Variants in TPCN1 observed in about 807,000 individuals in gnomAD.
The protein encoded by TPCN1 is two pore channel protein 1.
Under a neutral mutation model 108.8 loss-of-function variants are expected in TPCN1, and 52 were observed. The ratio of observed to expected loss-of-function variants is 0.48; its 90% CI spans 0.38 to 0.60. The LOEUF (loss-of-function observed/expected upper bound fraction) is 0.60. Ranked by LOEUF, TPCN1 falls within the 20% of genes least tolerant of loss-of-function variation. The probability of loss-of-function intolerance (pLI) is 0.00; values close to 1 mark genes in which losing one functional copy is unlikely to be tolerated. For missense variants in TPCN1, 806 were observed against 1,072.8 expected (o/e 0.75, Z 3.47); for synonymous variants, 446 against 433.7 (o/e 1.03, Z -0.35).
intron 3 of TPCN1, 138 bp downstream of exon 3, chr12:113,260,630 C>G: frequency 1.7e-6 from 2 of 1,161,310 alleles, no homozygotes; most frequent in African/African-American, 1.6e-5. Flanking sequence ...GCTTCAGGTT[C>G]ATAAGATGGG....
chr12:113,245,202 A>G (rs905029791), intron 2 of TPCN1, among the ~76,000 whole-genome samples: 1 of 150,614 alleles, frequency 6.6e-6, no homozygotes, highest in African/African-American at 2.4e-5. Context: ...CCAGGAGATA[A>G]AGGCTGCAGT....
intron 2 of TPCN1, among the ~76,000 whole-genome samples, chr12:113,259,448 A>G (rs61943603): frequency 0.058 from 8,810 of 152,270 alleles, 355 homozygotes; most frequent in Middle Eastern, 0.071. Context: ...CTCAGACTCA[A>G]TGGGATCTGT....
chr12:113,259,133 C>T (rs564007585), intron 2 of TPCN1, among the ~76,000 whole-genome samples: 2 of 152,160 alleles, frequency 1.3e-5, no homozygotes, highest in South Asian at 2.1e-4. Context: ...CCTTCCACCA[C>T]GCCTGGCTAC....
In TPCN1 at chr12:113,289,982, G is replaced by T; in HGVS notation, c.1797-146G>T. 1 of 595,638 alleles carries T rather than the reference G, an allele frequency of 1.7e-6. No individual in the cohort carries two copies. The highest frequency in any genetic ancestry group is 3.0e-6 in the Non-Finnish European group (1 of 334,648). 36.9% of individuals were successfully genotyped at this position (595,638 alleles called of 1,614,324 possible). On this transcript the variant is annotated intron_variant, in intron 21 of 27. Coordinates refer to ENST00000335509, the MANE Select transcript of TPCN1 (RefSeq NM_017901.6). The surrounding 1 kb of genome is among the most constrained non-coding windows in gnomAD (Gnocchi z 4.1). ...CCTTCAGCAGGGACCCAGGCATGAG[G>T]TGGAGAGGGTTAGGCAGGAAACCAG...
intron 1 of TPCN1, among the ~76,000 whole-genome samples, chr12:113,224,549 A>T (rs1292132996): frequency 6.6e-6 from 1 of 151,862 alleles, no homozygotes; most frequent in East Asian, 1.9e-4. Flanking sequence ...GGCGTCTGCC[A>T]CCACGCCCGG....
At position 113,288,218 on chromosome 12, in the gene TPCN1, C is replaced by T. The variant is rs1566201338; in HGVS notation, c.1690C>T (p.Leu564=). The T allele has an allele frequency of 6.2e-7, 1 of 1,613,914 alleles. No homozygotes were observed. Among genetic ancestry groups the T allele is most frequent in the Admixed American group, 1.7e-5 (1 of 60,018 alleles). The change falls in exon 20 of 28, where the codon CTG becomes TTG. Residue 564 remains leucine (L), a synonymous_variant. Coordinates refer to ENST00000335509, the MANE Select transcript of TPCN1 (RefSeq NM_017901.6). This position sits in a 1 kb window ranked among gnomAD's most constrained non-coding sequence, Gnocchi z 4.8. ...RNVLDTMFEL[L]PRMASLGLTL... ...CGTGCTGGACACCATGTTCGAGCTG[C>T]TGCCCCGGATGGCCAGGTACTGCCA...
intron 7 of TPCN1, among the ~76,000 whole-genome samples, chr12:113,271,186 G>T (rs756538757): frequency 6.6e-6 from 1 of 152,084 alleles, no homozygotes; most frequent in Non-Finnish European, 1.5e-5. Flanking sequence ...TGAGGCAGGA[G>T]GATCACCTGA....
chr12:113,248,755 G>A (rs1954504926), intron 2 of TPCN1, among the ~76,000 whole-genome samples: 1 of 152,208 alleles, frequency 6.6e-6, no homozygotes, highest in Non-Finnish European at 1.5e-5. Context: ...GGGCAGAGGA[G>A]TGATACCATT....
intron 3 of TPCN1, 36 bp downstream of exon 3, chr12:113,260,528 C>T (rs1954990394): frequency 1.9e-6 from 3 of 1,549,542 alleles, no homozygotes; most frequent in South Asian, 1.2e-5. Context: ...CAGTTGTCTG[C>T]ACCTGTTGGT....
At chr12:113,227,384 G>A (rs533894994) in intron 2 of TPCN1, among the ~76,000 whole-genome samples, 7 of 152,314 alleles carry the variant, frequency 4.6e-5, no homozygotes, top group East Asian at 1.9e-4. Flanking sequence ...AGCACTGCCC[G>A]CGTCTCTTTG....
intron 2 of TPCN1, among the ~76,000 whole-genome samples, chr12:113,251,922 G>A (rs1954649469): frequency 6.6e-6 from 1 of 152,242 alleles, no homozygotes; most frequent in Non-Finnish European, 1.5e-5. Flanking sequence ...AGTCCAGGTT[G>A]CTGCAGGCTT....
chr12:113,279,373 A>G lies in TPCN1; in HGVS notation c.1297+538A>G, dbSNP rs541906354. ...TGTGTGTGTGTGTATATATATATAT[A>G]TATATATATATATATATATTTTTTT... On this transcript the variant is annotated intron_variant, in intron 14 of 27. Coordinates refer to ENST00000335509, the MANE Select transcript of TPCN1 (RefSeq NM_017901.6). Among the ~76,000 whole-genome samples, 218 of 23,934 alleles carry G rather than the reference A, an allele frequency of 9.1e-3. 11 individuals are homozygous for G. Among genetic ancestry groups the G allele is most frequent in the African/African-American group, 0.038 (201 of 5,306 alleles). 15.7% of individuals were successfully genotyped at this position (23,934 alleles called of 152,430 possible).
intron 2 of TPCN1, among the ~76,000 whole-genome samples, chr12:113,240,049 G>A (rs939176370): frequency 7.2e-5 from 11 of 152,068 alleles, no homozygotes; most frequent in Non-Finnish European, 2.9e-5. Flanking sequence ...CTTCTTGCGG[G>A]CTCGGCTGTT....
At chr12:113,244,370 A>G (rs1388158518) in intron 2 of TPCN1, 1 of 985,302 alleles carries the variant, frequency 1.0e-6, no homozygotes. Flanking sequence ...AGGTTGGTAC[A>G]TTTGCCCAGG....
At position 113,232,484 on chromosome 12, in the gene TPCN1, G is replaced by C. The variant is rs1393698716; in HGVS notation, c.112+5520G>C. ...GCACCAGAGAAGAATACACCCCGAG[G>C]TGTGCGCTCCATCACTGATGTCTGT... On this transcript the variant is annotated intron_variant, in intron 2 of 27. Transcript: ENST00000335509. This position sits in a 1 kb window ranked among gnomAD's most constrained non-coding sequence, Gnocchi z 5.6. Among the ~76,000 whole-genome samples, 2 of 152,278 alleles carry C rather than the reference G, an allele frequency of 1.3e-5. No homozygotes were observed. Among genetic ancestry groups the C allele is most frequent in the Admixed American group, 1.3e-4 (2 of 15,288 alleles).
chr12:113,229,733 C>T (rs899739596), intron 2 of TPCN1, among the ~76,000 whole-genome samples: 14 of 152,090 alleles, frequency 9.2e-5, no homozygotes, highest in Non-Finnish European at 1.9e-4. Context: ...CTCAAGTGAT[C>T]CACCTGCCTC....
chr12:113,293,033 C>A lies in TPCN1; in HGVS notation c.2213C>A (p.Thr738Asn). 1 of 1,613,200 alleles carries A rather than the reference C, an allele frequency of 6.2e-7. No homozygotes were observed. The highest frequency in any genetic ancestry group is 1.1e-5 in the South Asian group (1 of 91,070). ...GCACGGGGGGCCTCCTCGGATGTCA[C>A]CAGGCTGCTGGAGACCCTCTCCCAG... is the stretch of plus-strand genomic sequence containing the variant. The part of the protein sequence containing the change: ...REARGASSDV[T>N]RLLETLSQME... Residue 738 changes from threonine (T) to asparagine (N), a missense_variant, in exon 26 of 28, where the codon ACC (threonine) becomes AAC (asparagine). Thr to Asn is a moderately conservative substitution (Grantham distance 65). Coordinates refer to ENST00000335509, the MANE Select transcript of TPCN1 (RefSeq NM_017901.6).
chr12:113,292,647 A>G lies in TPCN1; in HGVS notation c.2114-287A>G, dbSNP rs140771784. Reference sequence around the variant, plus strand: ...CACACTTGTTACCTCTCATCCTCAGATCTCTGTGCTATCAGACCATCTGAC... The same window carrying G: ...CACACTTGTTACCTCTCATCCTCAGGTCTCTGTGCTATCAGACCATCTGAC... On this transcript the variant is annotated intron_variant, in intron 25 of 27. Coordinates refer to ENST00000335509, the MANE Select transcript of TPCN1 (RefSeq NM_017901.6). 61 of 327,144 alleles carry G rather than the reference A, an allele frequency of 1.9e-4. No individual in the cohort carries two copies. In the East Asian group the frequency reaches 3.5e-3, roughly 19 times the overall value. 20.3% of individuals were successfully genotyped at this position (327,144 alleles called of 1,614,324 possible).
Position 113,266,338 on chromosome 12 carries a change from A to G in TPCN1, c.396A>G (p.Ala132=), listed in dbSNP as rs201626713. The G allele has an allele frequency of 1.9e-5, 30 of 1,608,072 alleles. No individual in the cohort carries two copies. Among genetic ancestry groups the G allele is most frequent in the Non-Finnish European group, 2.3e-5 (27 of 1,179,920 alleles). ...LSLCEAPAVP[A]LRLGIYVHAT... is the part of the protein sequence containing the mutation. Reference sequence around the variant, plus strand: ...TGTGCGAGGCCCCCGCCGTCCCCGCACTCCGGCTTGGCATCTATGTGAGCG... The same window carrying G: ...TGTGCGAGGCCCCCGCCGTCCCCGCGCTCCGGCTTGGCATCTATGTGAGCG... Residue 132 remains alanine, a synonymous_variant, in exon 4 of 28, where the codon GCA becomes GCG. Coordinates refer to ENST00000335509, the MANE Select transcript of TPCN1 (RefSeq NM_017901.6). The surrounding 1 kb of genome is among the most constrained non-coding windows in gnomAD (Gnocchi z 4.2).
Sources: gnomAD v4.1 joint callset for allele counts (sites outside exome capture counted in the v4.1 genomes callset) on GRCh38, gnomAD v4.1.1 for gene constraint, Gnocchi (gnomAD v3.1) non-coding constraint, MANE v1.5 for transcripts, NCBI Gene and HGNC (gene_info 2026-07-23, HGNC 2026-07-21) for gene names.